Variants in NAA40 observed in about 807,000 individuals in gnomAD.
NAA40 encodes N-alpha-acetyltransferase 40.
Under a neutral mutation model 36.6 loss-of-function variants are expected in NAA40, and 26 were observed. The observed-to-expected ratio is 0.71, with a 90% confidence interval of 0.52 to 0.98. The LOEUF (loss-of-function observed/expected upper bound fraction) is 0.98, where lower values mean the gene tolerates loss of function less well. Among genes scored for constraint, NAA40 ranks in the 50% least tolerant of loss-of-function variants. The probability of loss-of-function intolerance (pLI) is 0.00; values close to 1 mark genes in which losing one functional copy is unlikely to be tolerated. For synonymous variants in NAA40, 129 were observed against 108.4 expected, an observed-to-expected ratio of 1.19 and a Z score of -1.18; for missense variants, 237 against 306.5, an observed-to-expected ratio of 0.77 and a Z score of 1.69.
intron 1 of NAA40, among the ~76,000 whole-genome samples, chr11:63,941,191 G>C (rs1446599537): frequency 2.0e-5 from 3 of 152,202 alleles, no homozygotes; most frequent in Non-Finnish European, 4.4e-5. Flanking sequence ...TTGACAGTAA[G>C]AGAGACTTGA....
chr11:63,939,260 C>T, intron 1 of NAA40, 158 bp downstream of exon 1: 2 of 1,310,372 alleles, frequency 1.5e-6, no homozygotes, highest in Non-Finnish European at 2.0e-6. Flanking sequence ...TCTAAGGGTC[C>T]CTACGCTAGG....
At chr11:63,949,433 T>G (rs1942240273) in intron 3 of NAA40, among the ~76,000 whole-genome samples, 2 of 152,106 alleles carry the variant, frequency 1.3e-5, no homozygotes, top group Non-Finnish European at 2.9e-5. Context: ...AATAGGTAAA[T>G]TTTCAACCCT....
chr11:63,952,523 A>G lies in NAA40; in HGVS notation c.368A>G (p.His123Arg). The change falls in exon 5 of 8, where the codon CAC becomes CGC. Residue 123 changes from histidine to arginine, a missense_variant. His to Arg is a conservative substitution (Grantham distance 29, BLOSUM62 0). Transcript: ENST00000377793. ...AGCTCCGTCCCTGTTGCCTTTTCTCACTTCCGGTTTGACGTGGAGTGTGGG... is the reference window on the plus strand; with the variant it reads ...AGCTCCGTCCCTGTTGCCTTTTCTCGCTTCCGGTTTGACGTGGAGTGTGGG... ...ENSSVPVAFSHFRFDVECGDE... is the reference protein window; with the variant it reads ...ENSSVPVAFSRFRFDVECGDE... The G allele has an allele frequency of 1.2e-6, 2 of 1,613,932 alleles. No homozygotes were observed. The highest frequency in any genetic ancestry group is 1.7e-6 in the Non-Finnish European group (2 of 1,179,972).
At chr11:63,948,756 G>T (rs1241888157) in intron 3 of NAA40, among the ~76,000 whole-genome samples, 1 of 152,006 alleles carries the variant, frequency 6.6e-6, no homozygotes, top group Non-Finnish European at 1.5e-5. Context: ...AAGGGGTCTT[G>T]CCTATGTTGC....
intron 1 of NAA40, among the ~76,000 whole-genome samples, chr11:63,945,313 TG>T (rs1942169139): frequency 6.6e-6 from 1 of 152,134 alleles, no homozygotes; most frequent in South Asian, 2.1e-4. Context: ...CCGAACACGG[TG>T]GCCCCCACTT....
chr11:63,951,000 G>A (rs1331918563), intron 3 of NAA40, among the ~76,000 whole-genome samples: 1 of 152,170 alleles, frequency 6.6e-6, no homozygotes, highest in Admixed American at 6.5e-5. Context: ...TGGCTAAGTG[G>A]GTGATAAAGA....
At chr11:63,946,810 T>G (rs1315756305) in intron 2 of NAA40, 141 bp from the exon 3 acceptor site, 2 of 1,562,448 alleles carry the variant, frequency 1.3e-6, no homozygotes, top group East Asian at 4.7e-5. Flanking sequence ...TGGTGGGTTT[T>G]GGGAGGCTGC....
chr11:63,946,294 G>C (rs746975524), intron 2 of NAA40: 1 of 253,488 alleles, frequency 3.9e-6, no homozygotes, highest in Non-Finnish European at 7.8e-6. Flanking sequence ...CAACCTTGCA[G>C]CCTCTGCCGC....
Position 63,956,010 on chromosome 11 carries a change from G to T in NAA40, c.*1531G>T, listed in dbSNP as rs1465225912. The T allele has an allele frequency of 6.5e-6, 1 of 152,732 alleles. No individual in the cohort carries two copies. Among genetic ancestry groups the T allele is most frequent in the Admixed American group, 6.5e-5 (1 of 15,282 alleles). The allele number at this position is 152,732 out of a possible 1,614,324, so 9.5% of individuals were successfully genotyped here. On this transcript the variant is annotated 3_prime_UTR_variant, in exon 8 of 8. Transcript: ENST00000377793. Reference sequence around the variant, plus strand: ...CAGTCTCTCCTGGCAGATCTCCCCAGAGTGGTCCTTGCTTCTCACCTGGAT... The same window carrying T: ...CAGTCTCTCCTGGCAGATCTCCCCATAGTGGTCCTTGCTTCTCACCTGGAT...
intron 1 of NAA40, among the ~76,000 whole-genome samples, chr11:63,941,160 A>G (rs893775762): frequency 2.0e-5 from 3 of 152,232 alleles, no homozygotes; most frequent in Non-Finnish European, 4.4e-5. Context: ...GAGACCCTAC[A>G]AAGTCTCTTC....
chr11:63,947,571 G>A (rs1424686843), intron 3 of NAA40, among the ~76,000 whole-genome samples: 4 of 151,948 alleles, frequency 2.6e-5, no homozygotes, highest in Non-Finnish European at 5.9e-5. Context: ...TATTTTTTGA[G>A]ATGGAGTCTT....
chr11:63,950,767 G>A (rs1209441685), intron 3 of NAA40, among the ~76,000 whole-genome samples: 1 of 152,188 alleles, frequency 6.6e-6, no homozygotes, highest in African/African-American at 2.4e-5. Context: ...CGGCCTCATA[G>A]TGTTTTCATA....
intron 7 of NAA40, 88 bp from the exon 8 acceptor site, chr11:63,954,250 T>C (rs1942327492): frequency 1.3e-6 from 2 of 1,507,596 alleles, no homozygotes; most frequent in Non-Finnish European, 1.8e-6. Context: ...AAGGGTCTCA[T>C]CAGTGTGGCT....
chr11:63,953,840 G>A lies in NAA40; in HGVS notation c.495-132G>A, dbSNP rs1942319188. On this transcript the variant is annotated intron_variant, in intron 6 of 7. Coordinates refer to ENST00000377793, the MANE Select transcript of NAA40 (RefSeq NM_024771.4). ...AAATGGGGTCCCACTATGTTTTCCA[G>A]GCTGGTCTCTAACTCCTGGGCTCAA... 1.6e-5 allele frequency: 12 copies of A among 743,068 alleles called. No individual in the cohort carries two copies. In the South Asian group the frequency reaches 2.1e-4, roughly 13 times the overall value. 46.0% of individuals were successfully genotyped at this position (743,068 alleles called of 1,614,324 possible).
intron 1 of NAA40, chr11:63,939,320 T>G: frequency 8.9e-7 from 1 of 1,129,572 alleles, no homozygotes; most frequent in Non-Finnish European, 1.1e-6. Flanking sequence ...CCCCACCCCC[T>G]CGGCGCCCCC....
chr11:63,954,486 A>G lies in NAA40; in HGVS notation c.*7A>G, dbSNP rs201756455. ...TGGTGGCTGCTGCCACTGAACTCTCAGAGCCACTTTCAAGTCACAATGCTC... is the reference window on the plus strand; with the variant it reads ...TGGTGGCTGCTGCCACTGAACTCTCGGAGCCACTTTCAAGTCACAATGCTC... On this transcript the variant is annotated 3_prime_UTR_variant, in exon 8 of 8. Transcript: ENST00000377793. 6.9e-6 allele frequency: 11 copies of G among 1,588,564 alleles called. No individual in the cohort carries two copies. The East Asian group carries it at 2.5e-4, about 36-fold the overall frequency.
At chr11:63,939,321 C>T (rs2134262615) in intron 1 of NAA40, 1 of 1,259,720 alleles carries the variant, frequency 7.9e-7, no homozygotes, top group Non-Finnish European at 1.0e-6. Flanking sequence ...CCCACCCCCT[C>T]GGCGCCCCCA....
At chr11:63,949,027 A>AT (rs796288054) in intron 3 of NAA40, among the ~76,000 whole-genome samples, 2 of 151,888 alleles carry the variant, frequency 1.3e-5, no homozygotes, top group African/African-American at 4.8e-5. Context: ...CAAAAAAAAA[A>AT]TTTTTTTAAT....
At position 63,956,969 on chromosome 11, in the gene NAA40, T is replaced by C. The variant is rs1942374852; in HGVS notation, c.*2490T>C. On this transcript the variant is annotated 3_prime_UTR_variant, in exon 8 of 8. Coordinates refer to ENST00000377793, the MANE Select transcript of NAA40 (RefSeq NM_024771.4). ...GCCTAGGCGACAGAGTGAGACTCCA[T>C]CTCAAAAAAAAAAAAAAGAGAAACA... 1 of 144,414 alleles carries C rather than the reference T, an allele frequency of 6.9e-6. No homozygotes were observed. The highest frequency in any genetic ancestry group is 1.5e-5 in the Non-Finnish European group (1 of 66,600). 8.9% of individuals were successfully genotyped at this position (144,414 alleles called of 1,614,324 possible). A position where few individuals can be genotyped will look rare whatever the true frequency, so the allele number is the denominator to read the frequency against.
Sources: gnomAD v4.1 joint callset for allele counts (sites outside exome capture counted in the v4.1 genomes callset) on GRCh38, gnomAD v4.1.1 for gene constraint, MANE v1.5 for transcripts, NCBI Gene and HGNC (gene_info 2026-07-23, HGNC 2026-07-21) for gene names.